Variants in LIFR observed in about 807,000 individuals in gnomAD.
LIFR encodes LIF receptor subunit alpha, also known as leukemia inhibitory factor receptor.
In LIFR, 84 loss-of-function variants were observed where a neutral mutation model predicts 122.2. The ratio of observed to expected loss-of-function variants is 0.69; its 90% CI spans 0.58 to 0.82. LIFR has a LOEUF of 0.82. LIFR is among the 40% of genes least tolerant of loss of function. The pLI is 0.00. For missense variants in LIFR, 1,294 were observed against 1,311.6 expected, an observed-to-expected ratio of 0.99 and a Z score of 0.21; for synonymous variants, 422 against 434.7, an observed-to-expected ratio of 0.97 and a Z score of 0.36.
At chr5:38,553,622 CTATATATATATA>C (rs66547796) in intron 1 of LIFR, among the ~76,000 whole-genome samples, 1,043 of 41,566 alleles carry the variant, frequency 0.025, 16 homozygotes, top group Admixed American at 0.057. Context: ...ACCATTTAAA[CTATATATATATA>C]TATATATATA....
intron 1 of LIFR, among the ~76,000 whole-genome samples, chr5:38,594,636 A>G (rs1750038727): frequency 6.6e-6 from 1 of 152,192 alleles, no homozygotes; most frequent in Non-Finnish European, 1.5e-5. Context: ...AATAAGGTCT[A>G]GTAATGAAAA....
chr5:38,485,121 C>T (rs1561131611), intron 17 of LIFR, among the ~76,000 whole-genome samples: 2 of 152,184 alleles, frequency 1.3e-5, no homozygotes, highest in Admixed American at 1.3e-4. Context: ...CAGATCTTCA[C>T]TAGAGGATCA....
chr5:38,515,128 G>A (rs1374554432), intron 5 of LIFR, among the ~76,000 whole-genome samples: 1 of 152,186 alleles, frequency 6.6e-6, no homozygotes, highest in East Asian at 1.9e-4. Context: ...AGACACTGAA[G>A]TCTATCTTGA....
chr5:38,563,540 GT>G, intron 1 of LIFR, among the ~76,000 whole-genome samples: 4 of 152,190 alleles, frequency 2.6e-5, no homozygotes, highest in African/African-American at 9.7e-5. Flanking sequence ...GAATGCACCA[GT>G]CTGTTTAATT....
In LIFR at chr5:38,589,718, A is replaced by ATGTGTGTGTG. The variant is rs35505046; in HGVS notation, c.-20+5533_-20+5542dup. On this transcript the variant is annotated intron_variant, in intron 1 of 19. Coordinates refer to the LIFR transcript ENST00000263409. ...AAAGGGTCAGAAGGCAGAGAAGAAA[A>ATGTGTGTGTG]TGTGTGTGTGTGTGTGTGTGTGTGT... Among the ~76,000 whole-genome samples the ATGTGTGTGTG allele has an allele frequency of 1.7e-3, 254 of 146,292 alleles. 3 individuals carry two copies. Among genetic ancestry groups the ATGTGTGTGTG allele is most frequent in the African/African-American group, 5.6e-3 (222 of 39,944 alleles).
At chr5:38,584,756 G>C (rs1232541585) in intron 1 of LIFR, among the ~76,000 whole-genome samples, 1 of 152,176 alleles carries the variant, frequency 6.6e-6, no homozygotes, top group African/African-American at 2.4e-5. Context: ...TAGCAGATAA[G>C]TAGGATGAAC....
chr5:38,577,100 C>G (rs952468670), intron 1 of LIFR, among the ~76,000 whole-genome samples: 5 of 152,158 alleles, frequency 3.3e-5, no homozygotes, highest in African/African-American at 1.2e-4. Flanking sequence ...TTCAAAGACA[C>G]CAGTTAAAAA....
chr5:38,580,413 A>T (rs185087828), intron 1 of LIFR, among the ~76,000 whole-genome samples: 3 of 151,906 alleles, frequency 2.0e-5, no homozygotes, highest in Non-Finnish European at 4.4e-5. Flanking sequence ...TTCCCTTATC[A>T]CTGCCTCCCA....
chr5:38,561,334 C>T (rs74293558), upstream of LIFR, among the ~76,000 whole-genome samples: 1,300 of 152,186 alleles, frequency 8.5e-3, 115 homozygotes, highest in East Asian at 0.2. Flanking sequence ...GTGGTTGTTT[C>T]GTTTTTGTTT....
At chr5:38,594,086 G>A (rs1245552388) in intron 1 of LIFR, among the ~76,000 whole-genome samples, 1 of 152,178 alleles carries the variant, frequency 6.6e-6, no homozygotes, top group Admixed American at 6.5e-5. Context: ...AATTGGGTTA[G>A]AGCTTGGATT....
At chr5:38,598,476 C>T (rs893159694), upstream of LIFR, among the ~76,000 whole-genome samples, 6 of 151,666 alleles carry the variant, frequency 4.0e-5, no homozygotes, top group African/African-American at 1.5e-4. Flanking sequence ...AAACTCCTGA[C>T]CTTAGGTGAT....
At chr5:38,523,389 CAT>C in intron 5 of LIFR, 28 bp downstream of exon 5, 1 of 1,580,526 alleles carries the variant, frequency 6.3e-7, no homozygotes, top group African/African-American at 1.4e-5. Flanking sequence ...TCTTTAATGT[CAT>C]AGGAAGAAAA....
intron 2 of LIFR, among the ~76,000 whole-genome samples, chr5:38,603,439 C>T (rs1392356973): frequency 6.6e-6 from 1 of 152,204 alleles, no homozygotes; most frequent in East Asian, 1.9e-4. Flanking sequence ...GGAAAAACTG[C>T]ATATTCACAT....
chr5:38,562,160 T>C (rs1748863407), intron 1 of LIFR, among the ~76,000 whole-genome samples: 1 of 152,210 alleles, frequency 6.6e-6, no homozygotes, highest in African/African-American at 2.4e-5. Context: ...CCTCTCCATA[T>C]GGTTGGTCCC....
chr5:38,547,608 A>T (rs1316418797), intron 1 of LIFR, among the ~76,000 whole-genome samples: 1 of 152,242 alleles, frequency 6.6e-6, no homozygotes, highest in Non-Finnish European at 1.5e-5. Context: ...AACAGTTGCC[A>T]ACTTTAAAAA....
intron 1 of LIFR, among the ~76,000 whole-genome samples, chr5:38,593,992 G>A (rs1373233637): frequency 1.3e-5 from 2 of 152,062 alleles, no homozygotes; most frequent in African/African-American, 2.4e-5. Flanking sequence ...AAATAGAAAC[G>A]TTTACCAGGA....
chr5:38,493,907 A>C, intron 13 of LIFR, 122 bp from the exon 14 acceptor site: 1 of 782,078 alleles, frequency 1.3e-6, no homozygotes. Flanking sequence ...AATAGTGCTC[A>C]AACTAGATAA....
chr5:38,482,516 TAA>T, intron 19 of LIFR, 71 bp downstream of exon 19: 1 of 837,962 alleles, frequency 1.2e-6, no homozygotes, highest in East Asian at 2.5e-5. Context: ...ATTTGCATGT[TAA>T]AAACTTTTCA....
At position 38,479,476 on chromosome 5, in the gene LIFR, C is replaced by T. The variant is rs1743875715; in HGVS notation, c.*2119G>A. 1 of 231,070 alleles carries T rather than the reference C, an allele frequency of 4.3e-6. No homozygotes were observed. The highest frequency in any genetic ancestry group is 6.1e-5 in the East Asian group (1 of 16,364). 14.3% of individuals were successfully genotyped at this position (231,070 alleles called of 1,614,324 possible). A position where few individuals can be genotyped will look rare whatever the true frequency, so the allele number is the denominator to read the frequency against. On this transcript the variant is annotated 3_prime_UTR_variant, in exon 20 of 20. Transcript: ENST00000453190. ...GAGTCGTTATATAGGTTAGAAAGGGCCCTGGATCCAGATGGTCACAGTTGA... is the reference window on the plus strand; with the variant it reads ...GAGTCGTTATATAGGTTAGAAAGGGTCCTGGATCCAGATGGTCACAGTTGA...
Sources: gnomAD v4.1 joint callset for allele counts (sites outside exome capture counted in the v4.1 genomes callset) on GRCh38, gnomAD v4.1.1 for gene constraint, MANE v1.5 for transcripts, NCBI Gene and HGNC (gene_info 2026-07-23, HGNC 2026-07-21) for gene names.